The following HMGXB3 variants were observed in gnomAD, a reference collection of about 807,000 sequenced individuals.
HMGXB3 encodes the protein HMG-box containing 3, also known as HMG domain-containing protein 3.
A neutral mutation model predicts 121.5 loss-of-function variants in HMGXB3; 45 were observed. The observed-to-expected ratio is 0.37, with a 90% CI of 0.29 to 0.47. The LOEUF (loss-of-function observed/expected upper bound fraction) is 0.47. Ranked by LOEUF, HMGXB3 falls within the 20% of genes least tolerant of loss-of-function variation. HMGXB3 has a pLI of 0.99. For synonymous variants in HMGXB3, 590 were observed against 624.1 expected (o/e 0.95, Z 0.81); for missense variants, 1,376 against 1,602.2 (o/e 0.86, Z 2.41).
In HMGXB3 at chr5:150,027,026, C is replaced by A; in HGVS notation, c.1643C>A (p.Thr548Asn). The A allele has an allele frequency of 6.4e-7, 1 of 1,551,608 alleles. No individual in the cohort carries two copies. Among genetic ancestry groups the A allele is most frequent in the Non-Finnish European group, 8.7e-7 (1 of 1,146,934 alleles). Reference sequence around the variant, plus strand: ...TGGCTCCTGGTTCTCTCAGATAAGACTCCCTCTGTGAGGACTTGTGGTCTG... The same window carrying A: ...TGGCTCCTGGTTCTCTCAGATAAGAATCCCTCTGTGAGGACTTGTGGTCTG... ...ARQAFSLSDK[T>N]PSVRTCGLKP... Residue 548 changes from threonine (T) to asparagine (N), a missense_variant, in exon 9 of 20, where the codon ACT becomes AAT. Around this residue, in one of 2 missense-constraint regions of HMGXB3, gnomAD observed 1,116 missense variants for 1,369.0 expected, o/e 0.82. Transcript: ENST00000502717.
chr5:150,040,795 T>A lies in HMGXB3; in HGVS notation c.2461T>A (p.Phe821Ile). 2 of 1,552,114 alleles carry A rather than the reference T, an allele frequency of 1.3e-6. 1 individual carries two copies. Among genetic ancestry groups the A allele is most frequent in the South Asian group, 2.4e-5 (2 of 84,044 alleles). Residue 821 changes from phenylalanine (F) to isoleucine (I), a missense_variant, in exon 14 of 20, where the codon TTT becomes ATT. This residue lies in a region of HMGXB3 where 1,116 missense variants were observed against 1,369.0 expected (regional missense o/e 0.82). Coordinates refer to ENST00000502717, the MANE Select transcript of HMGXB3 (RefSeq NM_014983.3). ...GCTGCTGGTAAGCCTGGACTTGCTT[T>A]TTGCAATCAGAAATCAGATCAAGCT... The part of the protein sequence containing the change: ...NKLLVSLDLL[F>I]AIRNQIKLGE...
At position 150,050,268 on chromosome 5, in the gene HMGXB3, A is replaced by G; in HGVS notation, c.3218A>G (p.Lys1073Arg). The change falls in exon 19 of 20, where the codon AAG (lysine) becomes AGG (arginine). Residue 1073 changes from lysine to arginine, a missense_variant. Physicochemically the swap from Lys to Arg is conservative, Grantham distance 26 (BLOSUM62 2). Transcript: ENST00000502717. ...VCPHQVVCGS[K>R]YLVRGESARD... ...ATCTCCCAGGTGGTCTGCGGCTCCA[A>G]GTATCTTGTGCGAGGTGAGAGTGCC... The G allele has an allele frequency of 2.6e-6, 4 of 1,551,848 alleles. No homozygotes were observed. Among genetic ancestry groups the G allele is most frequent in the Non-Finnish European group, 3.5e-6 (4 of 1,146,992 alleles).
intron 13 of HMGXB3, 95 bp from the exon 14 acceptor site, chr5:150,040,653 C>T (rs1756607945): frequency 2.3e-6 from 3 of 1,312,570 alleles, no homozygotes; most frequent in East Asian, 2.7e-5. Context: ...CCTGCAACTA[C>T]AGGCACGTGC....
In HMGXB3 at chr5:150,011,865, G is replaced by A. The variant is rs374570070; in HGVS notation, c.811-390G>A. On this transcript the variant is annotated intron_variant, in intron 4 of 19. Coordinates refer to ENST00000502717, the MANE Select transcript of HMGXB3 (RefSeq NM_014983.3). ...GACCTCAGGTGATCCGCCCGCCTCG[G>A]CCTCCCAAAGTGCTGGGATTACAGG... is the stretch of plus-strand genomic sequence containing the variant. Among the ~76,000 whole-genome samples the A allele has an allele frequency of 9.9e-5, 15 of 152,176 alleles. No individual in the cohort carries two copies. In the South Asian group the frequency reaches 3.1e-3, roughly 32 times the overall value.
rs547924168 is a variant in HMGXB3, at chr5:150,018,553, T to C, written c.910-13T>C. The C allele has an allele frequency of 9.2e-6, 14 of 1,528,250 alleles. No individual in the cohort carries two copies. The Admixed American group carries it at 2.1e-4, about 23-fold the overall frequency. The allele number at this position is 1,528,250 out of a possible 1,614,324, so 94.7% of individuals were successfully genotyped here. A position where few individuals can be genotyped will look rare whatever the true frequency, so the allele number is the denominator to read the frequency against. ...GGTTGTTCTATTGATTCTGATGTGC[T>C]CTTTATTTACAGACCACTACATATA... is the stretch of plus-strand genomic sequence containing the variant. On this transcript the variant is annotated splice_polypyrimidine_tract_variant and intron_variant, in intron 5 of 19. Coordinates refer to ENST00000502717, the MANE Select transcript of HMGXB3 (RefSeq NM_014983.3).
chr5:150,049,171 G>T (rs573838842), intron 18 of HMGXB3, among the ~76,000 whole-genome samples: 1 of 152,222 alleles, frequency 6.6e-6, no homozygotes, highest in African/African-American at 2.4e-5. Context: ...GGCCGTGAGT[G>T]GGGAGACAGA....
At chr5:150,037,646 G>GAAGACTCCCCCTTCCTCA in intron 13 of HMGXB3, 119 bp downstream of exon 13, 1 of 842,278 alleles carries the variant, frequency 1.2e-6, no homozygotes, top group Non-Finnish European at 1.6e-6. Context: ...TTCTGAGGAA[G>GAAGACTCCCCCTTCCTCA]GGGGAGTCTT....
At position 150,047,725 on chromosome 5, in the gene HMGXB3, T is replaced by C; in HGVS notation, c.3052T>C (p.Cys1018Arg). 1 of 1,551,712 alleles carries C rather than the reference T, an allele frequency of 6.4e-7. No homozygotes were observed. The highest frequency in any genetic ancestry group is 8.7e-7 in the Non-Finnish European group (1 of 1,146,982). The change falls in exon 17 of 20, where the codon TGT becomes CGT. Residue 1018 changes from cysteine (C) to arginine (R), a missense_variant. Coordinates refer to ENST00000502717, the MANE Select transcript of HMGXB3 (RefSeq NM_014983.3). ...GAAGCTGCAGCACCTGCTAAGGCAG[T>C]GTGGAATCCCCTTTGGGGCAGAAGA... ...EEKLQHLLRQ[C>R]GIPFGAEDSK...
At chr5:150,040,663 C>G in intron 13 of HMGXB3, 85 bp from the exon 14 acceptor site, 1 of 1,401,406 alleles carries the variant, frequency 7.1e-7, no homozygotes, top group South Asian at 1.5e-5. Context: ...CAGGCACGTG[C>G]CACCGCACCC....
Position 150,048,666 on chromosome 5 carries a change from A to G in HMGXB3, c.3182A>G (p.Tyr1061Cys), listed in dbSNP as rs201395544. 598 of 1,550,178 alleles carry G rather than the reference A, an allele frequency of 3.9e-4. 1 individual carries two copies. The highest frequency in any genetic ancestry group is 5.0e-4 in the Non-Finnish European group (576 of 1,145,662). ...PPRHFTGGKI[Y>C]KVCPHQVVCG... The stretch of plus-strand genomic sequence containing the variant: ...CGTCACTTCACAGGTGGTAAAATCT[A>G]CAAGGTGTGCCCCCATCAGGTAAGA... Residue 1061 changes from tyrosine to cysteine, a missense_variant, in exon 18 of 20, where the codon TAC becomes TGC. By Grantham distance (194) the Tyr-to-Cys change is radical. Around this residue, in one of 2 missense-constraint regions of HMGXB3, gnomAD observed 1,116 missense variants for 1,369.0 expected, o/e 0.82. Coordinates refer to ENST00000502717, the MANE Select transcript of HMGXB3 (RefSeq NM_014983.3).
Position 150,010,608 on chromosome 5 carries a change from G to A in HMGXB3, c.810G>A (p.Arg270=), listed in dbSNP as rs1165815061. The A allele has an allele frequency of 6.5e-7, 1 of 1,548,520 alleles. No homozygotes were observed. The highest frequency in any genetic ancestry group is 1.4e-5 in the African/African-American group (1 of 72,942). ...GESVSVVTVM[R]DSSESSSSAP... Reference sequence around the variant, plus strand: ...GTGTATCAGTGGTAACAGTCATGAGGGTAAGTGGCTTTGGTACTGAAGTCT... The same window carrying A: ...GTGTATCAGTGGTAACAGTCATGAGAGTAAGTGGCTTTGGTACTGAAGTCT... Residue 270 remains arginine (R), a splice_region_variant and synonymous_variant, in exon 4 of 20, where the codon AGG becomes AGA. Transcript: ENST00000502717.
chr5:150,027,403 G>T (rs1219994438), intron 9 of HMGXB3, among the ~76,000 whole-genome samples: 1 of 152,180 alleles, frequency 6.6e-6, no homozygotes, highest in African/African-American at 2.4e-5. Context: ...GTGACCTATT[G>T]TTAATGTATT....
intron 15 of HMGXB3, among the ~76,000 whole-genome samples, chr5:150,045,142 GTGTC>G (rs1189774624): frequency 2.0e-5 from 3 of 152,334 alleles, no homozygotes; most frequent in East Asian, 3.9e-4. Flanking sequence ...TCATTACAAA[GTGTC>G]TGGCACATAA....
At chr5:150,039,905 C>T (rs887397265) in intron 13 of HMGXB3, among the ~76,000 whole-genome samples, 1 of 152,182 alleles carries the variant, frequency 6.6e-6, no homozygotes, top group African/African-American at 2.4e-5. Flanking sequence ...ATGTTTTGTG[C>T]ACATATAAAA....
chr5:150,028,499 GTA>G (rs1470492220), intron 9 of HMGXB3, among the ~76,000 whole-genome samples: 611 of 60,608 alleles, frequency 0.01, 3 homozygotes, highest in Non-Finnish European at 0.011. Context: ...GTATATATAT[GTA>G]TGTATGTGTG....
chr5:150,037,464 C>T lies in HMGXB3; in HGVS notation c.2350C>T (p.Gln784Ter). 6.4e-7 allele frequency: 1 copy of T among 1,551,398 alleles called. No individual in the cohort carries two copies. The highest frequency in any genetic ancestry group is 8.7e-7 in the Non-Finnish European group (1 of 1,146,782). The change falls in exon 13 of 20, where the codon CAG becomes TAG. Residue 784 changes from glutamine (Q) to a stop codon, truncating the protein, a stop_gained. Coordinates refer to ENST00000502717, the MANE Select transcript of HMGXB3 (RefSeq NM_014983.3). LOFTEE classifies it high-confidence loss of function. ...CAGCCGTCTGCAGACAGTGACTGCCCAGGTGAAGATGTGTCTGAACCCCCA... is the reference window on the plus strand; with the variant it reads ...CAGCCGTCTGCAGACAGTGACTGCCTAGGTGAAGATGTGTCTGAACCCCCA... ...TASRLQTVTAQVKMCLNPHCL... is the reference protein window; with the variant it reads ...TASRLQTVTA
intron 16 of HMGXB3, 71 bp downstream of exon 16, chr5:150,045,756 A>C: frequency 8.1e-7 from 1 of 1,230,906 alleles, no homozygotes; most frequent in Admixed American, 2.0e-5. Context: ...TGTCCATGGC[A>C]AGATAGCACA....
chr5:150,042,120 A>AG (rs961202210), intron 15 of HMGXB3, among the ~76,000 whole-genome samples, 151 bp downstream of exon 15: 6 of 152,228 alleles, frequency 3.9e-5, no homozygotes, highest in African/African-American at 1.4e-4. Flanking sequence ...GATTTCATTT[A>AG]GGGAATGCCA....
At position 150,024,304 on chromosome 5, in the gene HMGXB3, T is replaced by C. The variant is rs554703119; in HGVS notation, c.1084T>C (p.Ser362Pro). 1.3e-6 allele frequency: 2 copies of C among 1,544,508 alleles called. No individual in the cohort carries two copies. Among genetic ancestry groups the C allele is most frequent in the African/African-American group, 1.4e-5 (1 of 72,572 alleles). The change falls in exon 7 of 20, where the codon TCT becomes CCT. Residue 362 changes from serine (S) to proline (P), a missense_variant. Ser to Pro is a moderately conservative substitution (Grantham distance 74). This residue lies in a region of HMGXB3 where 1,116 missense variants were observed against 1,369.0 expected (regional missense o/e 0.82). Transcript: ENST00000502717. ...KVKVELASGV[S>P]SKGSVVKRNQ... is the part of the protein sequence containing the mutation. ...AAAAGTGGAATTGGCTTCTGGCGTC[T>C]CTTCCAAAGGCTCTGTGGTGAAAAG...
Sources: gnomAD v4.1 joint callset for allele counts (sites outside exome capture counted in the v4.1 genomes callset) on GRCh38, gnomAD v4.1.1 for gene constraint, gnomAD v4.1.1 regional missense constraint, MANE v1.5 for transcripts, NCBI Gene and HGNC (gene_info 2026-07-23, HGNC 2026-07-21) for gene names.